Variants in CYP2J2 observed in about 807,000 individuals in gnomAD.
The protein encoded by CYP2J2 is cytochrome P450 family 2 subfamily J member 2.
Under a neutral mutation model 48.8 loss-of-function variants are expected in CYP2J2, and 41 were observed. That is an observed-to-expected ratio of 0.84 (90% confidence interval 0.66 to 1.09). The LOEUF is 1.09. Among genes scored for constraint, CYP2J2 ranks in the 50% least tolerant of loss-of-function variants. The pLI is 0.00. For synonymous variants in CYP2J2, 221 were observed against 227.1 expected, an observed-to-expected ratio of 0.97 and a Z score of 0.24; for missense variants, 644 against 617.3, an observed-to-expected ratio of 1.04 and a Z score of -0.46.
the CYP2J2 span, among the ~76,000 whole-genome samples, chr1:59,940,982 G>C: frequency 2.0e-5 from 3 of 152,192 alleles, no homozygotes; most frequent in Non-Finnish European, 4.4e-5. Context: ...TCTTGGAATG[G>C]TGTGTGTTTG....
At chr1:59,959,455 C>A in the CYP2J2 span, among the ~76,000 whole-genome samples, 1 of 152,030 alleles carries the variant, frequency 6.6e-6, no homozygotes, top group East Asian at 1.9e-4. Context: ...AAGACACTTG[C>A]ACACACATGC....
At chr1:59,951,572 G>A in the CYP2J2 span, among the ~76,000 whole-genome samples, 1 of 152,026 alleles carries the variant, frequency 6.6e-6, no homozygotes, top group African/African-American at 2.4e-5. Flanking sequence ...TCTATCTCTT[G>A]GATCATATAG....
the CYP2J2 span, among the ~76,000 whole-genome samples, chr1:59,936,075 A>C: frequency 2.9e-4 from 44 of 152,022 alleles, no homozygotes; most frequent in Admixed American, 2.0e-3. Flanking sequence ...CCCAGAATAT[A>C]CTCTCTTACA....
At position 59,904,856 on chromosome 1, in the gene CYP2J2, GA is replaced by G; in HGVS notation, c.1191+14del. On this transcript the variant is annotated intron_variant, in intron 7 of 8. Coordinates refer to ENST00000371204, the MANE Select transcript of CYP2J2 (RefSeq NM_000775.4). ...TACCCCCCTAAAAGATGGGCTTGAA[GA>G]TCTGCTTAATTACCTTGGGCAGGTG... is the stretch of plus-strand genomic sequence containing the variant. 1.2e-6 allele frequency: 2 copies of G among 1,607,220 alleles called. No individual in the cohort carries two copies. The highest frequency in any genetic ancestry group is 1.7e-6 in the Non-Finnish European group (2 of 1,176,986).
rs1644397578 is a variant in CYP2J2, at chr1:59,909,943, T to C, written c.702A>G (p.Pro234=). 6.2e-7 allele frequency: 1 copy of C among 1,608,070 alleles called. No individual in the cohort carries two copies. The highest frequency in any genetic ancestry group is 8.5e-7 in the Non-Finnish European group (1 of 1,178,294). The change falls in exon 5 of 9, where the codon CCA becomes CCG. Residue 234 remains proline (P), a synonymous_variant. Transcript: ENST00000371204. ...GTCCAGGCAGGAATTTCATTATCCA[T>C]GGAAAGACATTGTAGAGCTAATTGA... ...SKTCQLYNVF[P]WIMKFLPGPH...
At chr1:59,923,505 A>G (rs992674208) in intron 1 of CYP2J2, among the ~76,000 whole-genome samples, 13 of 152,230 alleles carry the variant, frequency 8.5e-5, no homozygotes, top group African/African-American at 3.1e-4. Context: ...GAAATATAGA[A>G]TAATTAAATA....
chr1:59,953,547 G>A, the CYP2J2 span, among the ~76,000 whole-genome samples: 1 of 151,790 alleles, frequency 6.6e-6, no homozygotes, highest in Non-Finnish European at 1.5e-5. Context: ...CTTATAGAGG[G>A]TGATTACACT....
At chr1:59,944,379 C>T in the CYP2J2 span, among the ~76,000 whole-genome samples, 3 of 152,112 alleles carry the variant, frequency 2.0e-5, no homozygotes, top group African/African-American at 7.2e-5. Flanking sequence ...TGCGCCACCA[C>T]GGCTGGTTAA....
chr1:59,938,480 G>C, the CYP2J2 span, among the ~76,000 whole-genome samples: 1 of 152,238 alleles, frequency 6.6e-6, no homozygotes, highest in African/African-American at 2.4e-5. Context: ...GGATGTGCAC[G>C]TAGGCCAGAT....
At chr1:59,936,408 C>G in the CYP2J2 span, among the ~76,000 whole-genome samples, 1 of 152,132 alleles carries the variant, frequency 6.6e-6, no homozygotes, top group South Asian at 2.1e-4. Flanking sequence ...TCCCAAAACT[C>G]CATAATCATG....
the CYP2J2 span, among the ~76,000 whole-genome samples, chr1:59,936,673 T>C: frequency 6.6e-6 from 1 of 152,262 alleles, no homozygotes; most frequent in East Asian, 1.9e-4. Flanking sequence ...TTTACTTTTG[T>C]TTTTTTCCCC....
At chr1:59,901,153 C>A in intron 7 of CYP2J2, 50 bp from the exon 8 acceptor site, 1 of 1,594,802 alleles carries the variant, frequency 6.3e-7, no homozygotes, top group East Asian at 2.3e-5. Context: ...TGAAAAAGCA[C>A]ACCTATGCAG....
At chr1:59,965,061 T>A in the CYP2J2 span, among the ~76,000 whole-genome samples, 2 of 152,210 alleles carry the variant, frequency 1.3e-5, no homozygotes, top group Non-Finnish European at 2.9e-5. Flanking sequence ...AACATAATTA[T>A]GAGTATATGA....
the CYP2J2 span, among the ~76,000 whole-genome samples, chr1:59,938,859 G>T: frequency 6.6e-6 from 1 of 152,234 alleles, no homozygotes; most frequent in Non-Finnish European, 1.5e-5. Flanking sequence ...GCGGCTTTCC[G>T]CAGTGCATTG....
At chr1:59,955,724 C>T in the CYP2J2 span, among the ~76,000 whole-genome samples, 203 of 151,714 alleles carry the variant, frequency 1.3e-3, no homozygotes, top group African/African-American at 4.6e-3. Flanking sequence ...AATGTATGCA[C>T]GAGGAAACAT....
intron 6 of CYP2J2, among the ~76,000 whole-genome samples, chr1:59,906,951 T>G (rs560626974): frequency 6.6e-6 from 1 of 152,242 alleles, no homozygotes; most frequent in Non-Finnish European, 1.5e-5. Context: ...ATTTTATGCC[T>G]CATTAATAAA....
At chr1:59,964,715 T>A in the CYP2J2 span, among the ~76,000 whole-genome samples, 1 of 152,254 alleles carries the variant, frequency 6.6e-6, no homozygotes. Context: ...TCTGATTAAT[T>A]TAGTAAAATT....
At chr1:59,896,470 CT>C (rs1489061029) in intron 8 of CYP2J2, among the ~76,000 whole-genome samples, 1 of 151,996 alleles carries the variant, frequency 6.6e-6, no homozygotes, top group African/African-American at 2.4e-5. Context: ...GATTTTCTCC[CT>C]TTCTTTATTT....
At position 59,907,941 on chromosome 1, in the gene CYP2J2, T is replaced by C. The variant is rs376519373; in HGVS notation, c.862-14A>G. Reference sequence around the variant, plus strand: ...ATTGCCTGTGTGCTAGAAAACACAATGTTTGATGTTATTTATTGGTTTATT... The same window carrying C: ...ATTGCCTGTGTGCTAGAAAACACAACGTTTGATGTTATTTATTGGTTTATT... On this transcript the variant is annotated splice_polypyrimidine_tract_variant and intron_variant, in intron 5 of 8. Coordinates refer to ENST00000371204, the MANE Select transcript of CYP2J2 (RefSeq NM_000775.4). 1.2e-6 allele frequency: 2 copies of C among 1,613,396 alleles called. No homozygotes were observed. The highest frequency in any genetic ancestry group is 2.7e-5 in the African/African-American group (2 of 74,866).
Sources: allele counts gnomAD v4.1 joint callset (sites outside exome capture counted in the v4.1 genomes callset), GRCh38; gene constraint gnomAD v4.1.1; transcripts MANE v1.5; gene names NCBI Gene and HGNC (gene_info 2026-07-23, HGNC 2026-07-21).